The following NLRP1 variants were observed in gnomAD, a reference collection of about 807,000 sequenced individuals.
NLRP1 encodes NLR family pyrin domain containing 1.
Under a neutral mutation model 136.7 loss-of-function variants are expected in NLRP1, and 94 were observed. That is an observed-to-expected ratio of 0.69 (90% CI 0.58 to 0.82). The LOEUF (loss-of-function observed/expected upper bound fraction) is 0.82, where lower values mean the gene tolerates loss of function less well. Ranked by LOEUF, NLRP1 falls within the 40% of genes least tolerant of loss-of-function variation. The pLI is 0.00. For missense variants in NLRP1, 1,575 were observed against 1,802.7 expected (o/e 0.87, Z 2.29); for synonymous variants, 690 against 725.1 (o/e 0.95, Z 0.78).
In NLRP1 at chr17:5,537,827, C is replaced by T. The variant is rs2151767650; in HGVS notation, c.2871-887G>A. Among the ~76,000 whole-genome samples the T allele has an allele frequency of 6.6e-6, 1 of 152,302 alleles. No individual in the cohort carries two copies. The highest frequency in any genetic ancestry group is 3.4e-3 in the Middle Eastern group (1 of 294). ...TTGACAGGTAAGTGTTGAGCTGGGG[C>T]CTGAAGCCATATCTGCCTGCCATGG... On this transcript the variant is annotated intron_variant, in intron 7 of 16. Coordinates refer to ENST00000572272, the MANE Select transcript of NLRP1 (RefSeq NM_033004.4). This position sits in a 1 kb window ranked among gnomAD's most constrained non-coding sequence, Gnocchi z 4.5.
Position 5,583,772 on chromosome 17 carries a change from C to T in NLRP1, c.186G>A (p.Gly62=). 2 of 1,554,108 alleles carry T rather than the reference C, an allele frequency of 1.3e-6. No individual in the cohort carries two copies. The highest frequency in any genetic ancestry group is 1.7e-6 in the Non-Finnish European group (2 of 1,148,352). ...GGGCTAGGTCCCAGGCCCGCTGCTC[C>T]CCATACTGAGCCACCAGGTACGAGG... ...EVASYLVAQY[G]EQRAWDLALH... Residue 62 remains glycine, a synonymous_variant, in exon 1 of 17, where the codon GGG becomes GGA. Transcript: ENST00000572272. This position sits in a 1 kb window ranked among gnomAD's most constrained non-coding sequence, Gnocchi z 4.5.
At chr17:5,581,252 G>C (rs1181554397) in intron 3 of NLRP1, among the ~76,000 whole-genome samples, 2 of 152,202 alleles carry the variant, frequency 1.3e-5, no homozygotes, top group Non-Finnish European at 2.9e-5. Context: ...CCAGATGAGG[G>C]CACTCCCTGT....
chr17:5,536,445 CTTTTTTTT>C (rs773821415), intron 8 of NLRP1, among the ~76,000 whole-genome samples: 1 of 77,770 alleles, frequency 1.3e-5, no homozygotes, highest in Non-Finnish European at 2.3e-5. Context: ...CCATGCCCGG[CTTTTTTTT>C]TTTTTTTTTT....
At chr17:5,570,108 T>C (rs1915717077) in intron 3 of NLRP1, among the ~76,000 whole-genome samples, 1 of 151,996 alleles carries the variant, frequency 6.6e-6, no homozygotes, top group Non-Finnish European at 1.5e-5. Context: ...GGGACACAGA[T>C]AAAGCAGTGG....
At chr17:5,556,971 T>C (rs1266690849) in intron 4 of NLRP1, among the ~76,000 whole-genome samples, 1 of 152,140 alleles carries the variant, frequency 6.6e-6, no homozygotes, top group East Asian at 1.9e-4. Flanking sequence ...TTATTGATAC[T>C]ATTTTTCATC....
chr17:5,571,295 A>G (rs1029594755), intron 3 of NLRP1, among the ~76,000 whole-genome samples: 1 of 152,184 alleles, frequency 6.6e-6, no homozygotes, highest in Admixed American at 6.5e-5. Context: ...AGACATCCAA[A>G]TAGGAGGAGA....
At chr17:5,576,485 A>G (rs1200711677) in intron 3 of NLRP1, among the ~76,000 whole-genome samples, 8 of 152,250 alleles carry the variant, frequency 5.3e-5, no homozygotes, top group Non-Finnish European at 7.3e-5. Flanking sequence ...CCATCAGAGA[A>G]TACTATAAAC....
At chr17:5,582,362 T>G (rs1019380057) in intron 2 of NLRP1, among the ~76,000 whole-genome samples, 1 of 152,070 alleles carries the variant, frequency 6.6e-6, no homozygotes, top group African/African-American at 2.4e-5. Context: ...CCATCAATAT[T>G]ATGAGCTGAG....
intron 2 of NLRP1, 139 bp downstream of exon 2, chr17:5,582,531 A>G: frequency 1.3e-6 from 1 of 776,500 alleles, no homozygotes. Context: ...TACCTCTCAC[A>G]GCCCATCCTG....
At chr17:5,528,715 T>C (rs1221089140) in intron 12 of NLRP1, among the ~76,000 whole-genome samples, 1 of 152,244 alleles carries the variant, frequency 6.6e-6, no homozygotes, top group African/African-American at 2.4e-5. Context: ...GTAAAGTTAA[T>C]ACCTTTATTT....
chr17:5,512,101 A>G (rs1949284035), downstream of NLRP1: 2 of 762,314 alleles, frequency 2.6e-6, no homozygotes, highest in East Asian at 2.9e-5. Context: ...TGCATCCACA[A>G]TGTCTTCATA....
intron 12 of NLRP1, among the ~76,000 whole-genome samples, chr17:5,522,069 C>A (rs1908981757): frequency 6.6e-6 from 1 of 152,264 alleles, no homozygotes; most frequent in Non-Finnish European, 1.5e-5. Flanking sequence ...AGGTGATCCG[C>A]CTGCCTCGGC....
At chr17:5,536,828 G>C in intron 8 of NLRP1, 23 bp downstream of exon 8, 1 of 1,567,286 alleles carries the variant, frequency 6.4e-7, no homozygotes, top group Middle Eastern at 1.7e-4. Context: ...GTCAGCCAGA[G>C]GGAGTTCTGG....
chr17:5,584,103 C>T lies in NLRP1; in HGVS notation c.-146G>A. ...ACCCAGTTTTATAAATCCCAGGGCA[C>T]CTACAGATAGACGCCGATAGAGGGG... is the stretch of plus-strand genomic sequence containing the variant. On this transcript the variant is annotated 5_prime_UTR_variant, in exon 1 of 17. In the 5' UTR this introduces an upstream ATG that the reference lacks. Coordinates refer to ENST00000572272, the MANE Select transcript of NLRP1 (RefSeq NM_033004.4). 1.3e-6 allele frequency: 1 copy of T among 777,578 alleles called. No homozygotes were observed. Among genetic ancestry groups the T allele is most frequent in the Non-Finnish European group, 2.0e-6 (1 of 498,170 alleles). The allele number at this position is 777,578 out of a possible 1,614,324, so 48.2% of individuals were successfully genotyped here.
chr17:5,524,468 G>A (rs1291302796), intron 12 of NLRP1, among the ~76,000 whole-genome samples: 1 of 152,240 alleles, frequency 6.6e-6, no homozygotes, highest in East Asian at 1.9e-4. Context: ...TCTGCAGAAA[G>A]CTTCTATTTC....
intron 5 of NLRP1, among the ~76,000 whole-genome samples, chr17:5,545,550 A>G (rs1458850328): frequency 6.6e-6 from 1 of 152,012 alleles, no homozygotes; most frequent in Non-Finnish European, 1.5e-5. Context: ...ACACACAGAC[A>G]CACACAGACA....
intron 3 of NLRP1, among the ~76,000 whole-genome samples, chr17:5,579,774 T>C (rs1905396490): frequency 6.6e-6 from 1 of 152,124 alleles, no homozygotes; most frequent in African/African-American, 2.4e-5. Context: ...GCAACTTGAA[T>C]GGAGTTGGAG....
rs891897746 is a variant in NLRP1 at position 5,514,561 on chromosome 17, C to G, written c.*193G>C. The stretch of plus-strand genomic sequence containing the variant: ...GGACATTCCCTGAGATGCTGTTAGG[C>G]CACCTGGACTGGGGCCCCCTGTGGC... On this transcript the variant is annotated 3_prime_UTR_variant, in exon 17 of 17. Coordinates refer to ENST00000572272, the MANE Select transcript of NLRP1 (RefSeq NM_033004.4). 9 of 1,431,642 alleles carry G rather than the reference C, an allele frequency of 6.3e-6. No individual in the cohort carries two copies. The highest frequency in any genetic ancestry group is 7.3e-6 in the Non-Finnish European group (8 of 1,097,264). The allele number at this position is 1,431,642 out of a possible 1,614,324, so 88.7% of individuals were successfully genotyped here. A position where few individuals can be genotyped will look rare whatever the true frequency, so the allele number is the denominator to read the frequency against.
chr17:5,517,544 C>T (rs867440774), intron 15 of NLRP1, among the ~76,000 whole-genome samples: 5 of 152,090 alleles, frequency 3.3e-5, no homozygotes, highest in Admixed American at 2.0e-4. Context: ...CGCGCTACCA[C>T]GCCTGGCTAA....
Sources: gnomAD v4.1 joint callset for allele counts (sites outside exome capture counted in the v4.1 genomes callset) on GRCh38, gnomAD v4.1.1 for gene constraint, Gnocchi (gnomAD v3.1) non-coding constraint, MANE v1.5 for transcripts, NCBI Gene and HGNC (gene_info 2026-07-23, HGNC 2026-07-21) for gene names.